Variants in HECA observed in about 807,000 individuals in gnomAD.
The protein encoded by HECA is headcase protein homolog.
In HECA, 13 loss-of-function variants were observed where a neutral mutation model predicts 37.6. The ratio of observed to expected loss-of-function variants is 0.35; its 90% CI spans 0.23 to 0.55. HECA has a LOEUF of 0.55. Ranked by LOEUF, HECA falls within the 20% of genes least tolerant of loss-of-function variation. The pLI, the probability that HECA is intolerant of heterozygous loss-of-function variation, is 0.90. For synonymous variants in HECA, 307 were observed against 291.5 expected (o/e 1.05, Z -0.54); for missense variants, 527 against 701.9 (o/e 0.75, Z 2.82).
At chr6:139,174,613 C>T (rs540021649) in intron 3 of HECA, 74 bp downstream of exon 3, 47 of 1,537,590 alleles carry the variant, frequency 3.1e-5, no homozygotes, top group Middle Eastern at 1.8e-4. Flanking sequence ...AGGGAAGATG[C>T]GTCTGGCAAT....
At chr6:139,152,379 T>C (rs1189736618) in intron 1 of HECA, among the ~76,000 whole-genome samples, 1 of 150,936 alleles carries the variant, frequency 6.6e-6, no homozygotes, top group East Asian at 2.0e-4. Context: ...ATTAAGAGAA[T>C]GTTAAAAACC....
intron 2 of HECA, among the ~76,000 whole-genome samples, chr6:139,171,901 G>A (rs117984918): frequency 0.041 from 6,202 of 151,196 alleles, 138 homozygotes; most frequent in African/African-American, 0.063. Flanking sequence ...GTGCTATCTC[G>A]GCTCACTGCA....
intron 1 of HECA, among the ~76,000 whole-genome samples, chr6:139,137,817 G>A (rs6570310): frequency 0.67 from 101,674 of 151,874 alleles, 35,024 homozygotes; most frequent in African/African-American, 0.79. Flanking sequence ...TGAAGTGGCA[G>A]ACTCAAGTAT....
At position 139,177,411 on chromosome 6, in the gene HECA, G is replaced by T. The variant is rs1444815675; in HGVS notation, c.*306G>T. On this transcript the variant is annotated 3_prime_UTR_variant, in exon 4 of 4. Coordinates refer to ENST00000367658, the MANE Select transcript of HECA (RefSeq NM_016217.3). The surrounding 1 kb of genome is among the most constrained non-coding windows in gnomAD (Gnocchi z 4.9). Reference sequence around the variant, plus strand: ...TGGGGTGAATTTAGGAAAGGAATTTGTGGTTATAAACTAAGAGCTTGATAG... The same window carrying T: ...TGGGGTGAATTTAGGAAAGGAATTTTTGGTTATAAACTAAGAGCTTGATAG... The T allele has an allele frequency of 9.9e-6, 2 of 201,476 alleles. No homozygotes were observed. The highest frequency in any genetic ancestry group is 4.6e-5 in the African/African-American group (2 of 43,296). The allele number at this position is 201,476 out of a possible 1,614,324, so 12.5% of individuals were successfully genotyped here.
intron 1 of HECA, among the ~76,000 whole-genome samples, chr6:139,149,426 C>T (rs1011856880): frequency 1.1e-4 from 17 of 152,172 alleles, no homozygotes; most frequent in Non-Finnish European, 2.1e-4. Context: ...AAAAGCAAAT[C>T]GTTGTGCCAT....
chr6:139,140,251 C>T (rs1413564892), intron 1 of HECA, among the ~76,000 whole-genome samples: 1 of 152,134 alleles, frequency 6.6e-6, no homozygotes, highest in Admixed American at 6.5e-5. Flanking sequence ...TGTTTATTTT[C>T]AAATCAAGGA....
At position 139,164,939 on chromosome 6, in the gene HECA, C is replaced by G. The variant is rs190866685; in HGVS notation, c.272-1345C>G. On this transcript the variant is annotated intron_variant, in intron 1 of 3. Coordinates refer to ENST00000367658, the MANE Select transcript of HECA (RefSeq NM_016217.3). Reference sequence around the variant, plus strand: ...TTTGCCATCTCTACATTAGCCCCTTCCACCTCTGGCCACCTTATTACACAG... The same window carrying G: ...TTTGCCATCTCTACATTAGCCCCTTGCACCTCTGGCCACCTTATTACACAG... Among the ~76,000 whole-genome samples the G allele has an allele frequency of 2.4e-3, 368 of 152,298 alleles. 7 individuals carry two copies. The South Asian group carries it at 0.042, about 17-fold the overall frequency.
intron 1 of HECA, among the ~76,000 whole-genome samples, chr6:139,161,998 C>G (rs1250285239): frequency 6.6e-6 from 1 of 152,206 alleles, no homozygotes; most frequent in Non-Finnish European, 1.5e-5. Context: ...TTACAGCTCT[C>G]TTTTTCACTT....
In HECA at chr6:139,135,328, G is replaced by A; in HGVS notation, c.-69G>A. ...CCCGGAGCCGGCTTCACGCAGGGCC[G>A]GGAACGGCCGTGCCTCTGGGATCCG... On this transcript the variant is annotated 5_prime_UTR_variant, in exon 1 of 4. Transcript: ENST00000367658. 2 of 1,196,532 alleles carry A rather than the reference G, an allele frequency of 1.7e-6. No homozygotes were observed. Among genetic ancestry groups the A allele is most frequent in the Non-Finnish European group, 2.1e-6 (2 of 936,672 alleles). The allele number at this position is 1,196,532 out of a possible 1,614,324, so 74.1% of individuals were successfully genotyped here.
At chr6:139,138,603 A>G (rs1043768975) in intron 1 of HECA, among the ~76,000 whole-genome samples, 1 of 152,188 alleles carries the variant, frequency 6.6e-6, no homozygotes, top group Non-Finnish European at 1.5e-5. Flanking sequence ...TTAGTTGTTC[A>G]GTTTGTCAAG....
At chr6:139,163,138 T>G (rs1774830558) in intron 1 of HECA, among the ~76,000 whole-genome samples, 1 of 152,162 alleles carries the variant, frequency 6.6e-6, no homozygotes, top group Admixed American at 6.5e-5. Flanking sequence ...AATTCTTAAC[T>G]CGGGGTGATT....
intron 1 of HECA, among the ~76,000 whole-genome samples, chr6:139,165,802 AGTGTGGGACAT>A (rs1367435491): frequency 1.4e-5 from 1 of 71,272 alleles, no homozygotes; most frequent in Non-Finnish European, 2.7e-5. Context: ...CTGTTTGCAC[AGTGTGGGACAT>A]GTGTGGGACA....
chr6:139,135,814 C>T (rs1027200349), intron 1 of HECA, 147 bp downstream of exon 1: 7 of 235,110 alleles, frequency 3.0e-5, no homozygotes, highest in Non-Finnish European at 4.2e-5. Context: ...GCGGCTGCCC[C>T]TTCGCGGTCC....
chr6:139,158,260 T>G (rs1189604593), intron 1 of HECA, among the ~76,000 whole-genome samples: 1 of 151,880 alleles, frequency 6.6e-6, no homozygotes, highest in Non-Finnish European at 1.5e-5. Flanking sequence ...CCCAGCACTT[T>G]GGGAGGCCGA....
intron 1 of HECA, among the ~76,000 whole-genome samples, chr6:139,161,373 A>G (rs976002730): frequency 6.6e-6 from 1 of 152,124 alleles, no homozygotes; most frequent in African/African-American, 2.4e-5. Context: ...AGGGCTGGCA[A>G]GTTGGAGTGG....
chr6:139,175,276 A>G (rs968243661), intron 3 of HECA, among the ~76,000 whole-genome samples: 3 of 152,086 alleles, frequency 2.0e-5, no homozygotes, highest in Non-Finnish European at 4.4e-5. Context: ...ATTCCTTGAT[A>G]CTCTCATGGG....
Position 139,136,250 on chromosome 6 carries a change from C to T in HECA, c.271+583C>T, listed in dbSNP as rs1190628514. On this transcript the variant is annotated intron_variant, in intron 1 of 3. Coordinates refer to ENST00000367658, the MANE Select transcript of HECA (RefSeq NM_016217.3). ...AGGAAGAGAATCTGAACTTGACTTC[C>T]GTTCTCAGCCCGGAGTTAAAAAAAA... Among the ~76,000 whole-genome samples, 6 of 143,216 alleles carry T rather than the reference C, an allele frequency of 4.2e-5. No individual in the cohort carries two copies. In the East Asian group the frequency reaches 6.0e-4, roughly 14 times the overall value. 94.0% of individuals were successfully genotyped at this position (143,216 alleles called of 152,430 possible).
chr6:139,167,079 TC>T lies in HECA; in HGVS notation c.1071del (p.Arg358GlyfsTer4). On this transcript the variant is annotated frameshift_variant, in exon 2 of 4. Transcript: ENST00000367658. LOFTEE classifies it high-confidence loss of function. Reference sequence around the variant, plus strand: ...GACCTCTCCGAACTCCTCACTCACATCCCCAGGCATAAGCTGAACACTTTCC... The same window carrying T: ...GACCTCTCCGAACTCCTCACTCACATCCCAGGCATAAGCTGAACACTTTCC... ...RLDLSELLTHIPRHKLNTFHV... is the reference protein window; with the variant it reads ...RLDLSELLTHXPRHKLNTFHV... The T allele has an allele frequency of 6.2e-7, 1 of 1,614,042 alleles. No individual in the cohort carries two copies. Among genetic ancestry groups the T allele is most frequent in the Non-Finnish European group, 8.5e-7 (1 of 1,180,004 alleles).
At chr6:139,143,527 A>C (rs1774541843) in intron 1 of HECA, among the ~76,000 whole-genome samples, 1 of 152,228 alleles carries the variant, frequency 6.6e-6, no homozygotes, top group African/African-American at 2.4e-5. Context: ...AAAATAAGCA[A>C]ACAAAAAGCA....
Sources: allele counts gnomAD v4.1 joint callset (sites outside exome capture counted in the v4.1 genomes callset), GRCh38; gene constraint gnomAD v4.1.1; non-coding constraint Gnocchi (gnomAD v3.1); transcripts MANE v1.5; gene names NCBI Gene and HGNC (gene_info 2026-07-23, HGNC 2026-07-21).